ARIH1: variants seen among roughly 807,000 people sequenced by gnomAD.
ARIH1 encodes the protein ariadne RBR E3 ubiquitin protein ligase 1, also known as E3 ubiquitin-protein ligase ARIH1.
Under a neutral mutation model 85.0 loss-of-function variants are expected in ARIH1, and 8 were observed. That is an observed-to-expected ratio of 0.09 (90% CI 0.06 to 0.17). ARIH1 has a LOEUF of 0.17. Ranked by LOEUF, ARIH1 falls within the 10% of genes least tolerant of loss-of-function variation. The pLI is 1.00. For synonymous variants in ARIH1, 238 were observed against 253.6 expected, an observed-to-expected ratio of 0.94 and a Z score of 0.59; for missense variants, 311 against 718.1, an observed-to-expected ratio of 0.43 and a Z score of 6.48.
At chr15:72,528,791 G>A (rs2064041752) in intron 2 of ARIH1, among the ~76,000 whole-genome samples, 1 of 152,024 alleles carries the variant, frequency 6.6e-6, no homozygotes. Context: ...GGAGGGTGGA[G>A]CTGTGATCTG....
At chr15:72,477,520 A>C (rs1296343539) in intron 1 of ARIH1, among the ~76,000 whole-genome samples, 1 of 152,194 alleles carries the variant, frequency 6.6e-6, no homozygotes, top group Non-Finnish European at 1.5e-5. Context: ...AAATTAATTT[A>C]ATATTTCCTT....
intron 11 of ARIH1, among the ~76,000 whole-genome samples, chr15:72,574,927 A>G (rs1412577606): frequency 7.6e-6 from 1 of 130,988 alleles, no homozygotes; most frequent in African/African-American, 2.6e-5. Flanking sequence ...CTCTACAAAA[A>G]AAAAACAAAG....
intron 1 of ARIH1, among the ~76,000 whole-genome samples, chr15:72,490,087 TC>T (rs1405444303): frequency 6.6e-6 from 1 of 151,936 alleles, no homozygotes; most frequent in Admixed American, 6.6e-5. Flanking sequence ...GGGAGGCCAG[TC>T]ACGGTGGTTC....
chr15:72,488,427 C>T (rs918647481), intron 1 of ARIH1, among the ~76,000 whole-genome samples: 10 of 152,152 alleles, frequency 6.6e-5, no homozygotes, highest in African/African-American at 2.2e-4. Context: ...ATCTGCCAGG[C>T]TGGCTGCGGT....
chr15:72,494,759 G>T (rs1363216044), intron 1 of ARIH1, among the ~76,000 whole-genome samples: 13 of 151,604 alleles, frequency 8.6e-5, no homozygotes, highest in African/African-American at 3.2e-4. Context: ...TGAAAGAAAT[G>T]GGTTAGCAAG....
intron 1 of ARIH1, 83 bp downstream of exon 1, chr15:72,475,097 C>G (rs925992950): frequency 5.9e-6 from 9 of 1,519,558 alleles, no homozygotes; most frequent in Non-Finnish European, 6.2e-6. Flanking sequence ...AGGGACAGGC[C>G]TGGGCCTGGT....
Position 72,586,242 on chromosome 15 carries a change from A to G in ARIH1, c.*2950A>G, listed in dbSNP as rs571269515. 6.6e-6 allele frequency: 1 copy of G among 152,344 alleles called. No individual in the cohort carries two copies. Among genetic ancestry groups the G allele is most frequent in the Middle Eastern group, 3.4e-3 (1 of 294 alleles). 9.4% of individuals were successfully genotyped at this position (152,344 alleles called of 1,614,324 possible). Reference sequence around the variant, plus strand: ...GGCTGACTTCATTTGAAATGGTTGAATCTGCTGTGTAATAAAGTGGTTCAA... The same window carrying G: ...GGCTGACTTCATTTGAAATGGTTGAGTCTGCTGTGTAATAAAGTGGTTCAA... On this transcript the variant is annotated 3_prime_UTR_variant, in exon 14 of 14. Transcript: ENST00000379887.
At chr15:72,576,076 T>G (rs1204602811) in intron 11 of ARIH1, among the ~76,000 whole-genome samples, 1 of 152,106 alleles carries the variant, frequency 6.6e-6, no homozygotes, top group Non-Finnish European at 1.5e-5. Context: ...GTTAGCTAAT[T>G]ATGTGGCTCA....
intron 1 of ARIH1, among the ~76,000 whole-genome samples, chr15:72,499,845 A>G (rs1326481366): frequency 1.3e-5 from 2 of 152,150 alleles, no homozygotes; most frequent in Non-Finnish European, 2.9e-5. Flanking sequence ...ATTCTTAGAT[A>G]CATGTCTTTT....
intron 1 of ARIH1, among the ~76,000 whole-genome samples, chr15:72,507,082 G>C: frequency 6.6e-6 from 1 of 152,106 alleles, no homozygotes; most frequent in East Asian, 1.9e-4. Context: ...GAGTGCAGTG[G>C]CATGATCTCA....
chr15:72,483,232 G>A (rs2063823543), intron 1 of ARIH1, among the ~76,000 whole-genome samples: 1 of 152,134 alleles, frequency 6.6e-6, no homozygotes, highest in African/African-American at 2.4e-5. Flanking sequence ...CTGTGACCAG[G>A]CCAGATTTTC....
At chr15:72,493,944 T>A (rs545022942) in intron 1 of ARIH1, among the ~76,000 whole-genome samples, 10 of 152,126 alleles carry the variant, frequency 6.6e-5, no homozygotes, top group East Asian at 3.9e-4. Flanking sequence ...ACAAAAGATT[T>A]AAAAAAAACA....
chr15:72,499,207 C>G (rs753885637), intron 1 of ARIH1, among the ~76,000 whole-genome samples: 4 of 152,008 alleles, frequency 2.6e-5, no homozygotes, highest in Non-Finnish European at 5.9e-5. Context: ...AACTTCTGAT[C>G]TCAAATGATC....
chr15:72,565,630 C>CAAG (rs2140433797), intron 7 of ARIH1, among the ~76,000 whole-genome samples: 1 of 152,126 alleles, frequency 6.6e-6, no homozygotes, highest in Non-Finnish European at 1.5e-5. Flanking sequence ...ACCTACTTTC[C>CAAG]AATGTATTTT....
At position 72,590,322 on chromosome 15, in the gene ARIH1, C is replaced by G. The variant is rs368198668; in HGVS notation, c.*7030C>G. Reference sequence around the variant, plus strand: ...AGCACCAGCTAAAATTGTATATAGACTGATTAGGGGACTTCCAACCTAAGA... The same window carrying G: ...AGCACCAGCTAAAATTGTATATAGAGTGATTAGGGGACTTCCAACCTAAGA... On this transcript the variant is annotated 3_prime_UTR_variant, in exon 14 of 14. Coordinates refer to ENST00000379887, the MANE Select transcript of ARIH1 (RefSeq NM_005744.5). 1 of 152,208 alleles carries G rather than the reference C, an allele frequency of 6.6e-6. No homozygotes were observed. Among genetic ancestry groups the G allele is most frequent in the Non-Finnish European group, 1.5e-5 (1 of 68,046 alleles). 9.4% of individuals were successfully genotyped at this position (152,208 alleles called of 1,614,324 possible). A position where few individuals can be genotyped will look rare whatever the true frequency, so the allele number is the denominator to read the frequency against.
intron 11 of ARIH1, among the ~76,000 whole-genome samples, chr15:72,573,338 A>C (rs766224825): frequency 6.6e-6 from 1 of 152,132 alleles, no homozygotes; most frequent in East Asian, 1.9e-4. Flanking sequence ...AGGCAGGCGG[A>C]TCACCTGAGG....
Position 72,590,932 on chromosome 15 carries a change from A to T in ARIH1, c.*7640A>T, listed in dbSNP as rs2064340196. ...GAATTTGGAGGGTGCTCATAGAAATATAAAACAAGGCTGGGCATGGCGGCT... is the reference window on the plus strand; with the variant it reads ...GAATTTGGAGGGTGCTCATAGAAATTTAAAACAAGGCTGGGCATGGCGGCT... On this transcript the variant is annotated 3_prime_UTR_variant, in exon 14 of 14. Transcript: ENST00000379887. 1 of 152,212 alleles carries T rather than the reference A, an allele frequency of 6.6e-6. No individual in the cohort carries two copies. The highest frequency in any genetic ancestry group is 2.4e-5 in the African/African-American group (1 of 41,440). The allele number at this position is 152,212 out of a possible 1,614,324, so 9.4% of individuals were successfully genotyped here. A position where few individuals can be genotyped will look rare whatever the true frequency, so the allele number is the denominator to read the frequency against.
chr15:72,544,385 A>G (rs901914164), intron 2 of ARIH1, among the ~76,000 whole-genome samples: 1 of 152,196 alleles, frequency 6.6e-6, no homozygotes. Context: ...CTACCCATGT[A>G]AAATATTACT....
rs1329565377 is a variant in ARIH1, at chr15:72,593,138, C to CATT, written c.*9848_*9850dup. 6.6e-6 allele frequency: 1 copy of CATT among 152,126 alleles called. No homozygotes were observed. Among genetic ancestry groups the CATT allele is most frequent in the African/African-American group, 2.4e-5 (1 of 41,452 alleles). 9.4% of individuals were successfully genotyped at this position (152,126 alleles called of 1,614,324 possible). A position where few individuals can be genotyped will look rare whatever the true frequency, so the allele number is the denominator to read the frequency against. On this transcript the variant is annotated 3_prime_UTR_variant, in exon 14 of 14. Transcript: ENST00000379887. ...ATATGAAATAACTGATTTTAATTTACATTACATTTCCCTGATTAATGAGTT... is the reference window on the plus strand; with the variant it reads ...ATATGAAATAACTGATTTTAATTTACATTATTACATTTCCCTGATTAATGAGTT...
Sources: gnomAD v4.1 joint callset for allele counts (sites outside exome capture counted in the v4.1 genomes callset) on GRCh38, gnomAD v4.1.1 for gene constraint, MANE v1.5 for transcripts, NCBI Gene and HGNC (gene_info 2026-07-23, HGNC 2026-07-21) for gene names.